The following ZFHX3 variants were observed in gnomAD, a reference collection of about 807,000 sequenced individuals.
ZFHX3 encodes zinc finger homeobox 3.
A neutral mutation model predicts 279.1 loss-of-function variants in ZFHX3; 42 were observed. That is an observed-to-expected ratio of 0.15 (90% CI 0.12 to 0.19). ZFHX3 has a LOEUF of 0.19. Among genes scored for constraint, ZFHX3 ranks in the 10% least tolerant of loss-of-function variants. ZFHX3 has a pLI of 1.00. For synonymous variants in ZFHX3, 2,293 were observed against 1,957.8 expected (o/e 1.17, Z -4.52); for missense variants, 4,981 against 4,754.0 (o/e 1.05, Z -1.40).
intron 3 of ZFHX3, among the ~76,000 whole-genome samples, chr16:73,330,663 C>T (rs1050216861): frequency 6.6e-6 from 1 of 152,172 alleles, no homozygotes; most frequent in Non-Finnish European, 1.5e-5. Context: ...CTACTGTGAT[C>T]ACTGAACAAG....
chr16:73,812,871 C>T (rs995836228), intron 1 of ZFHX3, among the ~76,000 whole-genome samples: 3 of 152,168 alleles, frequency 2.0e-5, no homozygotes, highest in Non-Finnish European at 2.9e-5. Context: ...ATGGGAGCAG[C>T]CTTAATCTCC....
At chr16:73,301,177 T>A (rs2143132121) in intron 4 of ZFHX3, among the ~76,000 whole-genome samples, 1 of 152,124 alleles carries the variant, frequency 6.6e-6, no homozygotes, top group East Asian at 1.9e-4. Context: ...CCTACAGAGG[T>A]TGGTTTAGGA....
intron 1 of ZFHX3, among the ~76,000 whole-genome samples, chr16:73,714,045 C>T (rs2053390800): frequency 6.6e-6 from 1 of 152,118 alleles, no homozygotes; most frequent in Non-Finnish European, 1.5e-5. Flanking sequence ...TTTTCTGACC[C>T]GCGGCACACT....
intron 2 of ZFHX3, among the ~76,000 whole-genome samples, chr16:73,466,446 C>T (rs1156331639): frequency 6.6e-5 from 10 of 152,198 alleles, no homozygotes; most frequent in Admixed American, 5.2e-4. Flanking sequence ...TGCACCACTG[C>T]GCTCCAGCTT....
rs543837064 is a variant in ZFHX3, at chr16:73,885,030, G to A, written c.-1608+6621C>T. On this transcript the variant is annotated intron_variant, in intron 1 of 17. Coordinates refer to the ZFHX3 transcript ENST00000641206. Reference sequence around the variant, plus strand: ...GCTTTAAATTTTAATAATAAACAGAGACATCCCCTTTCTTTCCCCCCACCC... The same window carrying A: ...GCTTTAAATTTTAATAATAAACAGAAACATCCCCTTTCTTTCCCCCCACCC... 8.5e-4 allele frequency among the ~76,000 whole-genome samples: 130 copies of A among 152,166 alleles called. 1 individual carries two copies. Among genetic ancestry groups the A allele is most frequent in the African/African-American group, 2.8e-3 (115 of 41,530 alleles).
intron 2 of ZFHX3, among the ~76,000 whole-genome samples, chr16:73,606,011 G>C (rs954560869): frequency 1.3e-4 from 19 of 151,288 alleles, no homozygotes; most frequent in African/African-American, 4.4e-4. Flanking sequence ...GTGAAAGCCC[G>C]TCTCTACTAA....
At chr16:73,882,323 C>A (rs2030195039) in intron 1 of ZFHX3, among the ~76,000 whole-genome samples, 1 of 151,864 alleles carries the variant, frequency 6.6e-6, no homozygotes, top group South Asian at 2.1e-4. Context: ...GTCATCTATA[C>A]AAAATGCAGC....
In ZFHX3 at chr16:72,788,502, C is replaced by A. The variant is rs898512837; in HGVS notation, c.9774G>T (p.Lys3258Asn). 6.2e-7 allele frequency: 1 copy of A among 1,614,086 alleles called. No individual in the cohort carries two copies. The highest frequency in any genetic ancestry group is 8.5e-7 in the Non-Finnish European group (1 of 1,180,028). The change falls in exon 10 of 10, where the codon AAG (lysine) becomes AAT (asparagine). Residue 3258 changes from lysine to asparagine, a missense_variant. Lys to Asn is a moderately conservative substitution (Grantham distance 94, BLOSUM62 0). Coordinates refer to ENST00000268489, the MANE Select transcript of ZFHX3 (RefSeq NM_006885.4). ...CCGTGGGGGCCTCTCCTTTCTCCTTCTTGGGGACAGGCAGGGGTTCCCCTT... is the reference window on the plus strand; with the variant it reads ...CCGTGGGGGCCTCTCCTTTCTCCTTATTGGGGACAGGCAGGGGTTCCCCTT... The part of the protein sequence containing the change: ...KGKGEPLPVP[K>N]KEKGEAPTAT...
At chr16:73,377,950 G>A (rs1449348370) in intron 3 of ZFHX3, among the ~76,000 whole-genome samples, 5 of 141,544 alleles carry the variant, frequency 3.5e-5, no homozygotes, top group African/African-American at 7.8e-5. Context: ...GGAGAATGGC[G>A]TGAACCCGGG....
chr16:72,815,729 C>T (rs1356715388), intron 5 of ZFHX3, among the ~76,000 whole-genome samples: 1 of 152,102 alleles, frequency 6.6e-6, no homozygotes, highest in African/African-American at 2.4e-5. Context: ...TTTAAGCCTG[C>T]GATGATGTCA....
At chr16:73,083,716 G>A (rs566215900) in intron 8 of ZFHX3, among the ~76,000 whole-genome samples, 1 of 152,242 alleles carries the variant, frequency 6.6e-6, no homozygotes, top group South Asian at 2.1e-4. Flanking sequence ...TTTTTATAGA[G>A]ATGCGTTTTT....
At chr16:73,588,545 C>T (rs563679070) in intron 2 of ZFHX3, among the ~76,000 whole-genome samples, 2 of 151,578 alleles carry the variant, frequency 1.3e-5, no homozygotes, top group Admixed American at 1.3e-4. Context: ...AAAATATTAG[C>T]CGGGTGTGGT....
chr16:73,595,482 T>G (rs1452308450), intron 2 of ZFHX3, among the ~76,000 whole-genome samples: 1 of 152,132 alleles, frequency 6.6e-6, no homozygotes, highest in Admixed American at 6.5e-5. Flanking sequence ...TTACCTTACT[T>G]CTTTGGCCAC....
chr16:73,800,406 G>A (rs774713294), intron 1 of ZFHX3, among the ~76,000 whole-genome samples: 8 of 152,048 alleles, frequency 5.3e-5, no homozygotes, highest in East Asian at 1.9e-4. Flanking sequence ...TAGTAGAGAC[G>A]GGGTTTCACC....
chr16:73,023,368 C>G (rs1450171586), intron 1 of ZFHX3, among the ~76,000 whole-genome samples: 1 of 152,224 alleles, frequency 6.6e-6, no homozygotes, highest in African/African-American at 2.4e-5. Context: ...GGAAACCCCC[C>G]TTAGGAGCCT....
chr16:73,184,983 CT>C lies in ZFHX3; in HGVS notation c.-1103-41153del, dbSNP rs11385082. ...CAAAGTTAAGGAACATGCACCATCTCTTTTTTTTTTTTTTCTGAGACAGCGT... is the reference window on the plus strand; with the variant it reads ...CAAAGTTAAGGAACATGCACCATCTCTTTTTTTTTTTTTCTGAGACAGCGT... On this transcript the variant is annotated intron_variant, in intron 5 of 17. Coordinates refer to the ZFHX3 transcript ENST00000641206. Among the ~76,000 whole-genome samples, 1,379 of 143,316 alleles carry C rather than the reference CT, an allele frequency of 9.6e-3. 21 individuals are homozygous for C. Among genetic ancestry groups the C allele is most frequent in the African/African-American group, 0.033 (1,245 of 37,774 alleles). The allele number at this position is 143,316 out of a possible 152,430, so 94.0% of individuals were successfully genotyped here.
At chr16:73,012,427 A>C (rs1963947228) in intron 1 of ZFHX3, among the ~76,000 whole-genome samples, 1 of 152,052 alleles carries the variant, frequency 6.6e-6, no homozygotes, top group South Asian at 2.1e-4. Context: ...TTTTTATTAA[A>C]TTAGAGCTGT....
intron 1 of ZFHX3, among the ~76,000 whole-genome samples, chr16:73,765,533 CCAA>C (rs2053923549): frequency 6.6e-6 from 1 of 152,112 alleles, no homozygotes; most frequent in Admixed American, 6.5e-5. Context: ...GCTCTTGGGC[CCAA>C]TGCCTCCATT....
chr16:73,485,237 T>C (rs60125232), intron 2 of ZFHX3, among the ~76,000 whole-genome samples: 213 of 152,212 alleles, frequency 1.4e-3, no homozygotes, highest in African/African-American at 5.0e-3. Flanking sequence ...ACTTCAGGAA[T>C]GGAGTGAGGA....
Sources: allele counts gnomAD v4.1 joint callset (sites outside exome capture counted in the v4.1 genomes callset), GRCh38; gene constraint gnomAD v4.1.1; transcripts MANE v1.5; gene names NCBI Gene and HGNC (gene_info 2026-07-23, HGNC 2026-07-21).